Variants in MACF1 observed in about 807,000 individuals in gnomAD.
The protein encoded by MACF1 is microtubule actin crosslinking factor 1, also known as microtubule-actin cross-linking factor 1.
In MACF1, 193 loss-of-function variants were observed where a neutral mutation model predicts 854.8. That is an observed-to-expected ratio of 0.23 (90% confidence interval 0.20 to 0.25). The LOEUF (loss-of-function observed/expected upper bound fraction) is 0.25, where lower values mean the gene tolerates loss of function less well. Ranked by LOEUF, MACF1 falls within the 10% of genes least tolerant of loss-of-function variation. The pLI, the probability that MACF1 is intolerant of heterozygous loss-of-function variation, is 1.00. For missense variants in MACF1, 7,722 were observed against 8,929.1 expected, an observed-to-expected ratio of 0.86 and a Z score of 5.45; for synonymous variants, 3,185 against 3,226.7, an observed-to-expected ratio of 0.99 and a Z score of 0.44.
chr1:39,478,584 T>G (rs541952811), intron 97 of MACF1, among the ~76,000 whole-genome samples: 98 of 152,190 alleles, frequency 6.4e-4, no homozygotes, highest in Non-Finnish European at 1.0e-3. Flanking sequence ...ATATAATATA[T>G]TGAGAAGAAT....
At chr1:39,161,266 C>T (rs1461552743) in intron 2 of MACF1, among the ~76,000 whole-genome samples, 1 of 152,136 alleles carries the variant, frequency 6.6e-6, no homozygotes, top group Non-Finnish European at 1.5e-5. Context: ...GAGTCCAGAC[C>T]TGTGCCATGA....
chr1:39,450,801 CAG>C (rs1262185752), intron 84 of MACF1, among the ~76,000 whole-genome samples: 1 of 151,746 alleles, frequency 6.6e-6, no homozygotes, highest in African/African-American at 2.4e-5. Flanking sequence ...TTAGTAGAGA[CAG>C]GGTTTCACCG....
intron 63 of MACF1, among the ~76,000 whole-genome samples, chr1:39,429,033 G>A (rs931213956): frequency 5.3e-5 from 8 of 152,138 alleles, no homozygotes; most frequent in Middle Eastern, 3.2e-3. Flanking sequence ...CTCATCCAGC[G>A]CATAGGAAAG....
intron 2 of MACF1, among the ~76,000 whole-genome samples, chr1:39,167,476 G>A (rs538036398): frequency 1.3e-5 from 2 of 151,832 alleles, no homozygotes; most frequent in East Asian, 2.0e-4. Flanking sequence ...GGAGGCCGAG[G>A]TGAGCGGATC....
intron 20 of MACF1, 142 bp downstream of exon 20, chr1:39,296,024 A>G: frequency 1.5e-6 from 1 of 662,574 alleles, no homozygotes; most frequent in Non-Finnish European, 2.6e-6. Context: ...TCATTTAGAT[A>G]GCTCATGATT....
intron 3 of MACF1, among the ~76,000 whole-genome samples, chr1:39,250,432 T>C (rs948915614): frequency 1.1e-4 from 16 of 152,324 alleles, no homozygotes; most frequent in African/African-American, 3.8e-4. Context: ...TTTAAAGGTT[T>C]TTTTGAATTA....
chr1:39,222,570 A>G (rs2036464), intron 1 of MACF1, among the ~76,000 whole-genome samples: 24,310 of 152,142 alleles, frequency 0.16, 2,417 homozygotes, highest in Middle Eastern at 0.22. Context: ...GCCTTCCATG[A>G]ACACCTCCTA....
intron 6 of MACF1, among the ~76,000 whole-genome samples, chr1:39,271,625 A>AG (rs1044943517): frequency 9.8e-5 from 15 of 152,328 alleles, no homozygotes; most frequent in Admixed American, 9.8e-4. Flanking sequence ...TGGAACAGAT[A>AG]GAGTAGTTGG....
chr1:39,159,149 G>T (rs1006647635), intron 2 of MACF1, among the ~76,000 whole-genome samples: 4 of 152,192 alleles, frequency 2.6e-5, no homozygotes, highest in African/African-American at 9.7e-5. Flanking sequence ...ATGCGTTTAG[G>T]CAATTAAACA....
chr1:39,448,789 G>T, intron 84 of MACF1, 26 bp downstream of exon 84: 3 of 1,537,392 alleles, frequency 2.0e-6, no homozygotes, highest in Non-Finnish European at 2.6e-6. Context: ...CCCTTCAGGG[G>T]TCTAACCGGG....
chr1:39,327,437 C>T, intron 36 of MACF1, 84 bp downstream of exon 36: 2 of 1,385,378 alleles, frequency 1.4e-6, no homozygotes, highest in Admixed American at 4.3e-5. Context: ...GAGTCATGAT[C>T]ACTAGCTTTC....
intron 44 of MACF1, among the ~76,000 whole-genome samples, chr1:39,355,699 C>T (rs1486144112): frequency 6.6e-6 from 1 of 152,018 alleles, no homozygotes; most frequent in Non-Finnish European, 1.5e-5. Flanking sequence ...CTCTTGGCCT[C>T]GTGATCCACC....
At position 39,340,847 on chromosome 1, in the gene MACF1, A is replaced by G; in HGVS notation, c.10475A>G (p.Gln3492Arg). ...CACACACAGCTAGAAGGCCGACTTC[A>G]AGATCTGAGAGCCTGGGTTGGCAAT... is the stretch of plus-strand genomic sequence containing the variant. ...NQHTQLEGRL[Q>R]DLRAWVGNKN... The change falls in exon 40 of 101, where the codon CAA (glutamine) becomes CGA (arginine). Residue 3492 changes from glutamine to arginine, a missense_variant. By Grantham distance (43) the Gln-to-Arg change is conservative. Transcript: ENST00000564288. 4 of 1,613,922 alleles carry G rather than the reference A, an allele frequency of 2.5e-6. 1 individual carries two copies. The highest frequency in any genetic ancestry group is 1.7e-4 in the Middle Eastern group (1 of 6,060).
chr1:39,434,491 G>A lies in MACF1; in HGVS notation c.17643G>A (p.Arg5881=). 1 of 1,613,800 alleles carries A rather than the reference G, an allele frequency of 6.2e-7. No individual in the cohort carries two copies. Among genetic ancestry groups the A allele is most frequent in the Non-Finnish European group, 8.5e-7 (1 of 1,179,982 alleles). ...LNSERYARLE[R]AQVLVNQFWE... Reference sequence around the variant, plus strand: ...CAGAGCGTTATGCCCGCCTAGAGCGGGCCCAGGTCTTAGTAAACCAGTTTT... The same window carrying A: ...CAGAGCGTTATGCCCGCCTAGAGCGAGCCCAGGTCTTAGTAAACCAGTTTT... Residue 5881 remains arginine (R), a synonymous_variant, in exon 69 of 101, where the codon CGG becomes CGA. Transcript: ENST00000564288.
At chr1:39,269,437 T>C (rs1645275531) in intron 6 of MACF1, 1 of 1,289,692 alleles carries the variant, frequency 7.8e-7, no homozygotes, top group African/African-American at 1.5e-5. Context: ...GTTTCTTCAT[T>C]ACTACTGGAC....
At chr1:39,195,759 A>T (rs561922032) in intron 2 of MACF1, among the ~76,000 whole-genome samples, 3 of 152,326 alleles carry the variant, frequency 2.0e-5, no homozygotes, top group South Asian at 4.1e-4. Context: ...GATAGGGAGA[A>T]ATGTAAAGTT....
At chr1:39,131,698 C>T (rs1420539823) in intron 2 of MACF1, among the ~76,000 whole-genome samples, 1 of 152,116 alleles carries the variant, frequency 6.6e-6, no homozygotes, top group Non-Finnish European at 1.5e-5. Flanking sequence ...GTATGCTTAG[C>T]ATATTTAATT....
intron 2 of MACF1, among the ~76,000 whole-genome samples, chr1:39,138,930 G>T (rs1219822262): frequency 2.6e-5 from 4 of 152,118 alleles, no homozygotes; most frequent in Non-Finnish European, 5.9e-5. Flanking sequence ...CTCCCAAAGT[G>T]CTGGGATTAC....
chr1:39,447,679 A>C lies in MACF1; in HGVS notation c.19762-13A>C. The C allele has an allele frequency of 6.2e-7, 1 of 1,613,972 alleles. No individual in the cohort carries two copies. Among genetic ancestry groups the C allele is most frequent in the Non-Finnish European group, 8.5e-7 (1 of 1,179,914 alleles). On this transcript the variant is annotated splice_polypyrimidine_tract_variant and intron_variant, in intron 81 of 100. Coordinates refer to ENST00000564288, the MANE Select transcript of MACF1 (RefSeq NM_001394062.1). Reference sequence around the variant, plus strand: ...TTATCTTAAGCTAAAAAAGAGCACTATTGTTCCCTCAGGTTTTTGCTAATG... The same window carrying C: ...TTATCTTAAGCTAAAAAAGAGCACTCTTGTTCCCTCAGGTTTTTGCTAATG...
Sources: allele counts gnomAD v4.1 joint callset (sites outside exome capture counted in the v4.1 genomes callset), GRCh38; gene constraint gnomAD v4.1.1; transcripts MANE v1.5; gene names NCBI Gene and HGNC (gene_info 2026-07-23, HGNC 2026-07-21).